The following FBXL7 variants were observed in gnomAD, a reference collection of about 807,000 sequenced individuals.
The protein encoded by FBXL7 is F-box and leucine rich repeat protein 7, also known as F-box/LRR-repeat protein 7.
In FBXL7, 12 loss-of-function variants were observed where a neutral mutation model predicts 38.3. The ratio of observed to expected loss-of-function variants is 0.31; its 90% CI spans 0.20 to 0.51. The LOEUF (loss-of-function observed/expected upper bound fraction) is 0.51. Ranked by LOEUF, FBXL7 falls within the 20% of genes least tolerant of loss-of-function variation. The probability of loss-of-function intolerance (pLI) is 0.98; values close to 1 mark genes in which losing one functional copy is unlikely to be tolerated. For missense variants in FBXL7, 567 were observed against 676.4 expected (o/e 0.84, Z 1.79); for synonymous variants, 297 against 300.9 (o/e 0.99, Z 0.13).
chr5:15,775,167 A>G (rs1184209784), intron 2 of FBXL7, among the ~76,000 whole-genome samples: 1 of 152,252 alleles, frequency 6.6e-6, no homozygotes, highest in African/African-American at 2.4e-5. Flanking sequence ...ATGTGCAACC[A>G]AAACACAAGC....
rs1243574515 is a variant in FBXL7, at chr5:15,568,535, A to G, written c.38-47448A>G. 2.6e-5 allele frequency among the ~76,000 whole-genome samples: 4 copies of G among 151,548 alleles called. No homozygotes were observed. In the South Asian group the frequency reaches 6.2e-4, roughly 24 times the overall value. ...TTGCAAAAATTTTCTCCCATTTTGT[A>G]GGTTGCCTGTTCACTCTGATGGTAG... On this transcript the variant is annotated intron_variant, in intron 1 of 3. Coordinates refer to ENST00000504595, the MANE Select transcript of FBXL7 (RefSeq NM_012304.5).
chr5:15,604,126 C>A (rs1000845028), intron 1 of FBXL7, among the ~76,000 whole-genome samples: 3 of 152,088 alleles, frequency 2.0e-5, no homozygotes, highest in Non-Finnish European at 2.9e-5. Flanking sequence ...GAGATCATAC[C>A]ACTGCACTGC....
At chr5:15,811,484 C>CTAGGA (rs1359569051) in intron 2 of FBXL7, among the ~76,000 whole-genome samples, 1 of 152,016 alleles carries the variant, frequency 6.6e-6, no homozygotes, top group African/African-American at 2.4e-5. Flanking sequence ...GATTAGGGCC[C>CTAGGA]ATCCTAACAC....
intron 2 of FBXL7, among the ~76,000 whole-genome samples, chr5:15,790,215 T>C (rs900279975): frequency 2.0e-5 from 3 of 152,266 alleles, no homozygotes. Flanking sequence ...TTAAAGAAAA[T>C]ACTAGAGTCT....
At chr5:15,667,405 A>T (rs1457411255) in intron 2 of FBXL7, among the ~76,000 whole-genome samples, 1 of 152,170 alleles carries the variant, frequency 6.6e-6, no homozygotes, top group African/African-American at 2.4e-5. Flanking sequence ...TAAAACTTTA[A>T]CTTCTTACTT....
chr5:15,850,496 CTT>C (rs1265530035), intron 2 of FBXL7, among the ~76,000 whole-genome samples: 1 of 152,166 alleles, frequency 6.6e-6, no homozygotes, highest in African/African-American at 2.4e-5. Flanking sequence ...TAAACTATGA[CTT>C]TATCCATGTC....
intron 1 of FBXL7, among the ~76,000 whole-genome samples, chr5:15,603,481 A>G (rs377511704): frequency 6.6e-5 from 10 of 152,372 alleles, no homozygotes; most frequent in Admixed American, 2.0e-4. Flanking sequence ...CTCAAGCTCA[A>G]CCATCCAGTT....
chr5:15,553,202 A>G lies in FBXL7; in HGVS notation c.37+52489A>G, dbSNP rs557738136. Among the ~76,000 whole-genome samples, 85 of 152,120 alleles carry G rather than the reference A, an allele frequency of 5.6e-4. 1 individual carries two copies. The highest frequency in any genetic ancestry group is 1.9e-3 in the African/African-American group (80 of 41,500). On this transcript the variant is annotated intron_variant, in intron 1 of 3. Coordinates refer to ENST00000504595, the MANE Select transcript of FBXL7 (RefSeq NM_012304.5). ...GCCCTCTTGTCCAGCTTCATTGCCT[A>G]TCGTGGTTTCCCTTCTCTCTGCAAC...
chr5:15,637,945 T>G (rs2126551241), intron 2 of FBXL7, among the ~76,000 whole-genome samples: 1 of 152,308 alleles, frequency 6.6e-6, no homozygotes, highest in South Asian at 2.1e-4. Flanking sequence ...GCCAATTATC[T>G]TTGAAAACTG....
At chr5:15,551,186 T>G (rs978439574) in intron 1 of FBXL7, among the ~76,000 whole-genome samples, 5 of 152,198 alleles carry the variant, frequency 3.3e-5, no homozygotes, top group Non-Finnish European at 7.3e-5. Flanking sequence ...TCACTGCCTG[T>G]GTAGGCCCCT....
intron 2 of FBXL7, among the ~76,000 whole-genome samples, chr5:15,709,619 C>T (rs1743799577): frequency 9.8e-6 from 1 of 102,110 alleles, no homozygotes; most frequent in South Asian, 3.3e-4. Flanking sequence ...TTGTCTGTGG[C>T]TATTACTCTT....
chr5:15,718,992 A>G (rs1744121074), intron 2 of FBXL7, among the ~76,000 whole-genome samples: 1 of 152,208 alleles, frequency 6.6e-6, no homozygotes, highest in Non-Finnish European at 1.5e-5. Flanking sequence ...TGAGAGTGGA[A>G]TTATAAGCTC....
intron 2 of FBXL7, among the ~76,000 whole-genome samples, chr5:15,825,433 A>G (rs1738285426): frequency 6.6e-6 from 1 of 152,202 alleles, no homozygotes; most frequent in Admixed American, 6.5e-5. Context: ...AAAACACCAT[A>G]TACATTGTTG....
At chr5:15,822,650 G>A (rs1381632074) in intron 2 of FBXL7, among the ~76,000 whole-genome samples, 2 of 147,356 alleles carry the variant, frequency 1.4e-5, no homozygotes, top group Non-Finnish European at 3.0e-5. Flanking sequence ...TTCTTGCAGG[G>A]CGTTAAGGTT....
rs182870515 is a variant in FBXL7 at position 15,816,127 on chromosome 5, G to T, written c.128-111763G>T. ...GAAATTAACTGGTGGAAAAGGAAAAGAAGTTACTATAGGAAAAAGACACCT... is the reference window on the plus strand; with the variant it reads ...GAAATTAACTGGTGGAAAAGGAAAATAAGTTACTATAGGAAAAAGACACCT... On this transcript the variant is annotated intron_variant, in intron 2 of 3. Transcript: ENST00000504595. Among the ~76,000 whole-genome samples the T allele has an allele frequency of 2.0e-3, 309 of 152,124 alleles. 3 individuals carry two copies. The highest frequency in any genetic ancestry group is 7.3e-3 in the African/African-American group (302 of 41,530).
At chr5:15,753,132 G>T (rs1015264230) in intron 2 of FBXL7, among the ~76,000 whole-genome samples, 3 of 152,010 alleles carry the variant, frequency 2.0e-5, no homozygotes, top group Non-Finnish European at 4.4e-5. Flanking sequence ...GGGAGCAGGC[G>T]GGGGCTGGAC....
At chr5:15,769,034 C>T (rs574661954) in intron 2 of FBXL7, among the ~76,000 whole-genome samples, 28 of 152,318 alleles carry the variant, frequency 1.8e-4, no homozygotes, top group African/African-American at 6.3e-4. Context: ...CAAAGTCATA[C>T]ATTGTCCTAA....
intron 2 of FBXL7, among the ~76,000 whole-genome samples, chr5:15,796,790 C>T (rs923157880): frequency 6.6e-6 from 1 of 152,114 alleles, no homozygotes; most frequent in African/African-American, 2.4e-5. Flanking sequence ...GAATTCCTTC[C>T]ACAACCTGAG....
At chr5:15,856,349 G>A (rs1271474089) in intron 2 of FBXL7, among the ~76,000 whole-genome samples, 1 of 152,050 alleles carries the variant, frequency 6.6e-6, no homozygotes, top group African/African-American at 2.4e-5. Context: ...AGATTTGGGT[G>A]GGGACACAGA....
Sources: gnomAD v4.1 joint callset for allele counts (sites outside exome capture counted in the v4.1 genomes callset) on GRCh38, gnomAD v4.1.1 for gene constraint, MANE v1.5 for transcripts, NCBI Gene and HGNC (gene_info 2026-07-23, HGNC 2026-07-21) for gene names.